Variants in NUDT3 observed in about 807,000 individuals in gnomAD.
The protein encoded by NUDT3 is nudix hydrolase 3.
In NUDT3, 9 loss-of-function variants were observed where a neutral mutation model predicts 23.6. That is an observed-to-expected ratio of 0.38 (90% CI 0.23 to 0.66). The LOEUF is 0.66. Ranked by LOEUF, NUDT3 falls within the 30% of genes least tolerant of loss-of-function variation. NUDT3 has a pLI of 0.52. For synonymous variants in NUDT3, 86 were observed against 82.6 expected (o/e 1.04, Z -0.22); for missense variants, 172 against 218.5 (o/e 0.79, Z 1.34).
At chr6:34,350,986 C>T (rs552061674) in intron 1 of NUDT3, among the ~76,000 whole-genome samples, 15 of 149,874 alleles carry the variant, frequency 1.0e-4, no homozygotes, top group Middle Eastern at 3.4e-3. Context: ...CGGCGCCAGG[C>T]GCAGTGGCTC....
At chr6:34,379,486 G>T (rs573570786) in intron 1 of NUDT3, among the ~76,000 whole-genome samples, 1 of 152,070 alleles carries the variant, frequency 6.6e-6, no homozygotes, top group Non-Finnish European at 1.5e-5. Flanking sequence ...CTTGAACCTG[G>T]GAGGCAGAGG....
chr6:34,348,707 C>T (rs970779744), intron 1 of NUDT3, among the ~76,000 whole-genome samples: 1 of 151,654 alleles, frequency 6.6e-6, no homozygotes, highest in East Asian at 1.9e-4. Flanking sequence ...ACCCGGGAGG[C>T]GGAGCTTGCA....
At chr6:34,317,539 G>A (rs913277668) in intron 2 of NUDT3, among the ~76,000 whole-genome samples, 1 of 152,018 alleles carries the variant, frequency 6.6e-6, no homozygotes, top group African/African-American at 2.4e-5. Flanking sequence ...GCTGGAAAAA[G>A]GTATTCAAGC....
chr6:34,378,017 G>A lies in NUDT3; in HGVS notation c.99+14247C>T, dbSNP rs1022068893. The stretch of plus-strand genomic sequence containing the variant: ...TGAAGAAATTTTTACTACAAAAAGC[G>A]GAAAAATGGCCAGGTGCAGCGGCTC... On this transcript the variant is annotated intron_variant, in intron 1 of 4. Coordinates refer to ENST00000607016, the MANE Select transcript of NUDT3 (RefSeq NM_006703.4). Among the ~76,000 whole-genome samples the A allele has an allele frequency of 9.2e-5, 14 of 151,940 alleles. No homozygotes were observed. In the South Asian group the frequency reaches 1.0e-3, roughly 11 times the overall value.
chr6:34,335,729 GTTTT>G lies in NUDT3; in HGVS notation c.210+6129_210+6132del, dbSNP rs971716441. Reference sequence around the variant, plus strand: ...ACAGGAGTTTGTAAAAAAAAAAAGTGTTTTTTTCTTTGAAAATGCTGTGTTTTTT... The same window carrying G: ...ACAGGAGTTTGTAAAAAAAAAAAGTGTTTCTTTGAAAATGCTGTGTTTTTT... On this transcript the variant is annotated intron_variant, in intron 2 of 4. Coordinates refer to ENST00000607016, the MANE Select transcript of NUDT3 (RefSeq NM_006703.4). Among the ~76,000 whole-genome samples, 9 of 148,638 alleles carry G rather than the reference GTTTT, an allele frequency of 6.1e-5. No homozygotes were observed. The East Asian group carries it at 1.2e-3, about 19-fold the overall frequency.
At chr6:34,332,199 C>A (rs774600630) in intron 2 of NUDT3, among the ~76,000 whole-genome samples, 1 of 152,124 alleles carries the variant, frequency 6.6e-6, no homozygotes, top group Non-Finnish European at 1.5e-5. Flanking sequence ...GACCAGCAGC[C>A]TTACCAATAA....
chr6:34,354,753 T>TATATATATATATATATATATATATATA (rs1561916372), intron 1 of NUDT3, among the ~76,000 whole-genome samples: 3 of 129,158 alleles, frequency 2.3e-5, no homozygotes, highest in African/African-American at 8.2e-5. Flanking sequence ...ATATATATAT[T>TATATATATATATATATATATATATATA]TATTTACTTT....
At chr6:34,369,061 T>C (rs868261235) in intron 1 of NUDT3, among the ~76,000 whole-genome samples, 30 of 152,328 alleles carry the variant, frequency 2.0e-4, no homozygotes, top group African/African-American at 6.3e-4. Context: ...ATACTGTTTA[T>C]TGGGTACCTG....
intron 2 of NUDT3, among the ~76,000 whole-genome samples, chr6:34,299,624 G>A (rs1271773835): frequency 7.1e-6 from 1 of 141,322 alleles, no homozygotes; most frequent in Non-Finnish European, 1.5e-5. Context: ...TTTTTTTAAA[G>A]TCCAGGTGTG....
intron 1 of NUDT3, among the ~76,000 whole-genome samples, chr6:34,384,205 T>C (rs1370313486): frequency 2.6e-5 from 4 of 152,172 alleles, no homozygotes; most frequent in Non-Finnish European, 5.9e-5. Context: ...ATGTCAATCA[T>C]CTCTCCGTTC....
At chr6:34,305,164 G>A (rs917524040) in intron 2 of NUDT3, among the ~76,000 whole-genome samples, 1 of 150,788 alleles carries the variant, frequency 6.6e-6, no homozygotes, top group African/African-American at 2.4e-5. Context: ...TTAATTTTTA[G>A]TAGAGATGGG....
chr6:34,386,488 G>T (rs934056503), intron 1 of NUDT3, among the ~76,000 whole-genome samples: 3 of 152,066 alleles, frequency 2.0e-5, no homozygotes. Flanking sequence ...CACTCAATGA[G>T]TGTTCAATAA....
chr6:34,330,522 C>T (rs2113725856), intron 2 of NUDT3, among the ~76,000 whole-genome samples: 1 of 152,276 alleles, frequency 6.6e-6, no homozygotes, highest in East Asian at 1.9e-4. Flanking sequence ...TGGTGCTGGG[C>T]ATGGTGGCTC....
chr6:34,379,735 C>T (rs560227542), intron 1 of NUDT3, among the ~76,000 whole-genome samples: 36 of 151,362 alleles, frequency 2.4e-4, no homozygotes, highest in Admixed American at 2.3e-3. Context: ...AAAATCTAGG[C>T]CAGGCGCGGT....
chr6:34,313,286 G>A (rs1763803997), intron 2 of NUDT3, among the ~76,000 whole-genome samples: 4 of 152,132 alleles, frequency 2.6e-5, no homozygotes, highest in Admixed American at 2.6e-4. Flanking sequence ...CCAACTATAA[G>A]ACATTCTAGG....
chr6:34,312,561 C>A (rs926517212), intron 2 of NUDT3, among the ~76,000 whole-genome samples: 5 of 152,158 alleles, frequency 3.3e-5, no homozygotes, highest in African/African-American at 1.2e-4. Context: ...ACCATTACCA[C>A]ATAAAGCAAT....
chr6:34,358,076 T>G (rs1764589795), intron 1 of NUDT3, among the ~76,000 whole-genome samples: 2 of 152,216 alleles, frequency 1.3e-5, no homozygotes, highest in Non-Finnish European at 2.9e-5. Context: ...TCGGTTCTAT[T>G]GATTCATTTG....
At chr6:34,391,454 A>AT (rs992118633) in intron 1 of NUDT3, among the ~76,000 whole-genome samples, 8 of 151,882 alleles carry the variant, frequency 5.3e-5, no homozygotes, top group South Asian at 2.1e-4. Flanking sequence ...GGAAGCCGAG[A>AT]TTTTTTTTTA....
intron 2 of NUDT3, among the ~76,000 whole-genome samples, chr6:34,327,646 G>A (rs564653328): frequency 2.6e-5 from 4 of 152,238 alleles, no homozygotes; most frequent in Non-Finnish European, 4.4e-5. Flanking sequence ...CATGAAAGTG[G>A]ACAAGGAGCG....
Sources: allele counts gnomAD v4.1 joint callset (sites outside exome capture counted in the v4.1 genomes callset), GRCh38; gene constraint gnomAD v4.1.1; transcripts MANE v1.5; gene names NCBI Gene and HGNC (gene_info 2026-07-23, HGNC 2026-07-21).